IPPK: variants seen among roughly 807,000 people sequenced by gnomAD.
IPPK encodes the protein inositol-pentakisphosphate 2-kinase, also known as IPK1 homolog.
In IPPK, 22 loss-of-function variants were observed where a neutral mutation model predicts 64.6. The ratio of observed to expected loss-of-function variants is 0.34; its 90% CI spans 0.24 to 0.49. The LOEUF (loss-of-function observed/expected upper bound fraction) is 0.49. Among genes scored for constraint, IPPK ranks in the 20% least tolerant of loss-of-function variants. The pLI is 0.99. For synonymous variants in IPPK, 262 were observed against 247.2 expected (o/e 1.06, Z -0.56); for missense variants, 532 against 630.7 (o/e 0.84, Z 1.68).
intron 7 of IPPK, among the ~76,000 whole-genome samples, chr9:92,641,765 G>A (rs1256782339): frequency 6.6e-6 from 1 of 152,234 alleles, no homozygotes; most frequent in Non-Finnish European, 1.5e-5. Context: ...CTCAGAGGCA[G>A]TGCTGAGCAC....
chr9:92,648,905 C>G (rs1449765649), intron 5 of IPPK, among the ~76,000 whole-genome samples: 1 of 152,248 alleles, frequency 6.6e-6, no homozygotes, highest in South Asian at 2.1e-4. Flanking sequence ...AAATTCAGGA[C>G]TCCTGGCCAT....
intron 6 of IPPK, among the ~76,000 whole-genome samples, chr9:92,646,473 A>G (rs1852152019): frequency 6.6e-6 from 1 of 152,254 alleles, no homozygotes; most frequent in African/African-American, 2.4e-5. Context: ...AGAAAATTTG[A>G]CTCACAAATG....
chr9:92,670,019 T>C lies in IPPK; in HGVS notation c.-31A>G. 6.4e-7 allele frequency: 1 copy of C among 1,551,398 alleles called. No homozygotes were observed. The highest frequency in any genetic ancestry group is 8.8e-7 in the Non-Finnish European group (1 of 1,137,176). On this transcript the variant is annotated 5_prime_UTR_variant, in exon 1 of 13. Transcript: ENST00000287996. ...GGCGCAGCCCTGGCGCCTCGCGGGC[T>C]AGGACTCGGGGACGCGAGCTGGGGG...
intron 3 of IPPK, among the ~76,000 whole-genome samples, chr9:92,653,783 A>C (rs1009024950): frequency 2.0e-5 from 3 of 152,248 alleles, no homozygotes; most frequent in African/African-American, 4.8e-5. Context: ...TGGGAGGCAG[A>C]GGTTGCAGTG....
Position 92,640,777 on chromosome 9 carries a change from T to C in IPPK, c.569A>G (p.Lys190Arg), listed in dbSNP as rs752802391. 2 of 1,610,544 alleles carry C rather than the reference T, an allele frequency of 1.2e-6. No homozygotes were observed. Among genetic ancestry groups the C allele is most frequent in the South Asian group, 2.2e-5 (2 of 91,014 alleles). Reference protein sequence around the residue: ...YCPLDLYSGNKQRMHFALKSL... With the variant: ...YCPLDLYSGNRQRMHFALKSL... ...CTTCAAGGCAAAGTGCATTCTCTGT[T>C]TGTTTCTAAAAGGGAAAAGCATTAA... Residue 190 changes from lysine to arginine, a missense_variant, in exon 8 of 13, where the codon AAA becomes AGA. Lys to Arg is a conservative substitution (Grantham distance 26). Coordinates refer to ENST00000287996, the MANE Select transcript of IPPK (RefSeq NM_022755.6).
chr9:92,670,079 G>T lies in IPPK; in HGVS notation c.-91C>A, dbSNP rs1156256016. On this transcript the variant is annotated 5_prime_UTR_variant, in exon 1 of 13. Coordinates refer to ENST00000287996, the MANE Select transcript of IPPK (RefSeq NM_022755.6). Reference sequence around the variant, plus strand: ...TCGCTGGGAACCAGCCGCTGCGGTCGGGGGAGGAGCGCCTGTCAGCTGCCG... The same window carrying T: ...TCGCTGGGAACCAGCCGCTGCGGTCTGGGGAGGAGCGCCTGTCAGCTGCCG... 3 of 900,430 alleles carry T rather than the reference G, an allele frequency of 3.3e-6. No individual in the cohort carries two copies. Among genetic ancestry groups the T allele is most frequent in the Non-Finnish European group, 4.9e-6 (3 of 615,126 alleles). 55.8% of individuals were successfully genotyped at this position (900,430 alleles called of 1,614,324 possible).
chr9:92,640,640 C>G, intron 8 of IPPK, 70 bp downstream of exon 8: 2 of 1,013,740 alleles, frequency 2.0e-6, no homozygotes, highest in South Asian at 2.5e-5. Flanking sequence ...CCAACACCCT[C>G]ATCTGTGAGG....
chr9:92,630,884 A>C (rs1851827141), intron 11 of IPPK, among the ~76,000 whole-genome samples: 1 of 152,160 alleles, frequency 6.6e-6, no homozygotes, highest in Admixed American at 6.5e-5. Context: ...AAAAAATGAC[A>C]TAAAAAAAAC....
At chr9:92,654,774 G>A (rs536304468) in intron 3 of IPPK, among the ~76,000 whole-genome samples, 13 of 152,266 alleles carry the variant, frequency 8.5e-5, no homozygotes, top group African/African-American at 3.1e-4. Context: ...AATGGCAAAG[G>A]GACAACTGCT....
chr9:92,652,649 A>C lies in IPPK; in HGVS notation c.226-10T>G, dbSNP rs781583900. ...GTAGCTGAACGACCTCCTGTAAGAA[A>C]ATACATGAAATTCTCAGTGTGAATT... is the stretch of plus-strand genomic sequence containing the variant. On this transcript the variant is annotated splice_polypyrimidine_tract_variant and intron_variant, in intron 3 of 12. Coordinates refer to ENST00000287996, the MANE Select transcript of IPPK (RefSeq NM_022755.6). The C allele has an allele frequency of 2.1e-5, 32 of 1,510,668 alleles. No individual in the cohort carries two copies. Among genetic ancestry groups the C allele is most frequent in the Non-Finnish European group, 2.9e-5 (32 of 1,099,966 alleles). 93.6% of individuals were successfully genotyped at this position (1,510,668 alleles called of 1,614,324 possible).
At chr9:92,638,402 C>T in intron 8 of IPPK, 122 bp from the exon 9 acceptor site, 1 of 1,134,890 alleles carries the variant, frequency 8.8e-7, no homozygotes, top group African/African-American at 1.5e-5. Context: ...TGCTGTCCAC[C>T]CAATCTGGGG....
chr9:92,637,126 G>A (rs1276940340), intron 9 of IPPK, among the ~76,000 whole-genome samples: 1 of 152,134 alleles, frequency 6.6e-6, no homozygotes, highest in Admixed American at 6.5e-5. Context: ...TTTGAGACCA[G>A]CCTGGCCAAT....
chr9:92,654,948 G>A (rs1004675298), intron 3 of IPPK, among the ~76,000 whole-genome samples: 2 of 152,222 alleles, frequency 1.3e-5, no homozygotes, highest in African/African-American at 4.8e-5. Context: ...GCAGCGAGGT[G>A]GAACTCCTGA....
rs138393379 is a variant in IPPK at position 92,619,619 on chromosome 9, C to T, written c.1171-54G>A. ...GTCACACAGGAAGCCTCTGCCCCCCCACACAACCTTCCTTCCCAGTAGCCA... is the reference window on the plus strand; with the variant it reads ...GTCACACAGGAAGCCTCTGCCCCCCTACACAACCTTCCTTCCCAGTAGCCA... On this transcript the variant is annotated intron_variant, in intron 11 of 12. Transcript: ENST00000287996. 19 of 1,453,640 alleles carry T rather than the reference C, an allele frequency of 1.3e-5. No individual in the cohort carries two copies. The Admixed American group carries it at 1.8e-4, about 14-fold the overall frequency. The allele number at this position is 1,453,640 out of a possible 1,614,324, so 90.0% of individuals were successfully genotyped here.
At chr9:92,620,692 G>C (rs943229893) in intron 11 of IPPK, among the ~76,000 whole-genome samples, 29 of 152,288 alleles carry the variant, frequency 1.9e-4, no homozygotes, top group African/African-American at 6.7e-4. Context: ...CTGGATGGGA[G>C]GGAGTGGGGA....
intron 6 of IPPK, among the ~76,000 whole-genome samples, chr9:92,647,360 T>C (rs992649061): frequency 9.9e-5 from 15 of 152,164 alleles, no homozygotes; most frequent in African/African-American, 3.4e-4. Context: ...ATACCAATAC[T>C]GAAACTCCTT....
chr9:92,658,588 T>C (rs759460661), intron 2 of IPPK, 46 bp downstream of exon 2: 5 of 1,495,082 alleles, frequency 3.3e-6, no homozygotes, highest in Non-Finnish European at 4.6e-6. Context: ...ATCAGAGTTT[T>C]CTTAAATAAT....
At chr9:92,663,175 A>C (rs969286208) in intron 1 of IPPK, among the ~76,000 whole-genome samples, 16 of 152,384 alleles carry the variant, frequency 1.0e-4, no homozygotes, top group African/African-American at 2.9e-4. Flanking sequence ...TCACATAACA[A>C]CACTTGGGTC....
intron 11 of IPPK, among the ~76,000 whole-genome samples, chr9:92,633,836 T>C (rs1851887208): frequency 6.6e-6 from 1 of 152,208 alleles, no homozygotes; most frequent in Admixed American, 6.5e-5. Flanking sequence ...AAATGCTAAA[T>C]TCCAGGTACA....
Sources: allele counts gnomAD v4.1 joint callset (sites outside exome capture counted in the v4.1 genomes callset), GRCh38; gene constraint gnomAD v4.1.1; transcripts MANE v1.5; gene names NCBI Gene and HGNC (gene_info 2026-07-23, HGNC 2026-07-21).